LIPI: variants seen among roughly 807,000 people sequenced by gnomAD.
The protein encoded by LIPI is lipase I, also known as lipase member I.
In LIPI, 59 loss-of-function variants were observed where a neutral mutation model predicts 50.6. The ratio of observed to expected loss-of-function variants is 1.16; its 90% CI spans 0.94 to 1.45. The LOEUF is 1.45. Among genes scored for constraint, LIPI ranks in the 40% most tolerant of loss-of-function variants. The pLI is 0.00. For missense variants in LIPI, 586 were observed against 536.3 expected (o/e 1.09, Z -0.92); for synonymous variants, 203 against 178.2 (o/e 1.14, Z -1.11).
intron 5 of LIPI, among the ~76,000 whole-genome samples, chr21:14,166,110 T>C (rs148432985): frequency 2.6e-5 from 4 of 152,264 alleles, no homozygotes; most frequent in East Asian, 1.9e-4. Context: ...CTCCTAATGT[T>C]TAAAATGATG....
intron 8 of LIPI, 115 bp from the exon 9 acceptor site, chr21:14,144,914 G>T: frequency 1.6e-6 from 1 of 627,824 alleles, no homozygotes; most frequent in Non-Finnish European, 2.8e-6. Flanking sequence ...TAGGGAAAAG[G>T]CCAAACAAAA....
chr21:14,169,044 A>T (rs2018796327), intron 4 of LIPI, among the ~76,000 whole-genome samples: 2 of 152,106 alleles, frequency 1.3e-5, no homozygotes, highest in South Asian at 4.2e-4. Context: ...GAAAACAAAA[A>T]AAGGCAGGGG....
chr21:14,170,565 C>A (rs2018860458), intron 4 of LIPI, among the ~76,000 whole-genome samples: 2 of 152,150 alleles, frequency 1.3e-5, no homozygotes, highest in South Asian at 4.2e-4. Flanking sequence ...TCAATATACG[C>A]AAATCAATAA....
At chr21:14,204,391 T>A (rs995740405) in intron 1 of LIPI, among the ~76,000 whole-genome samples, 3 of 151,786 alleles carry the variant, frequency 2.0e-5, no homozygotes, top group East Asian at 3.9e-4. Flanking sequence ...AAAAAGAAAT[T>A]TTTAAAAATA....
At position 14,166,377 on chromosome 21, in the gene LIPI, T is replaced by A. The variant is rs1198194970; in HGVS notation, c.718A>T (p.Lys240Ter). The change falls in exon 5 of 10, where the codon AAA (lysine) becomes TAA (stop). Residue 240 changes from lysine (K) to a stop codon, truncating the protein, a stop_gained. Transcript: ENST00000681601. LOFTEE classifies it high-confidence loss of function. The part of the protein sequence containing the change: ...NGGNKQPGCP[K>*]SIFSGIQFIK... Reference sequence around the variant, plus strand: ...GTCAGTATACCTGAGAAAATTGATTTAGGACAGCCAGGTTGTTTATTTCCT... The same window carrying A: ...GTCAGTATACCTGAGAAAATTGATTAAGGACAGCCAGGTTGTTTATTTCCT... 6.3e-7 allele frequency: 1 copy of A among 1,589,084 alleles called. No individual in the cohort carries two copies. Among genetic ancestry groups the A allele is most frequent in the African/African-American group, 1.3e-5 (1 of 74,438 alleles).
At chr21:14,169,611 C>A (rs1247544685) in intron 4 of LIPI, among the ~76,000 whole-genome samples, 7 of 152,186 alleles carry the variant, frequency 4.6e-5, no homozygotes, top group Non-Finnish European at 1.0e-4. Flanking sequence ...TCCTGAATGA[C>A]TACTGGGTAC....
At chr21:14,121,526 TGAG>T (rs2016861316) in intron 9 of LIPI, among the ~76,000 whole-genome samples, 1 of 152,116 alleles carries the variant, frequency 6.6e-6, no homozygotes, top group Non-Finnish European at 1.5e-5. Flanking sequence ...AGGCATTAGG[TGAG>T]GTAATACAAG....
intron 4 of LIPI, among the ~76,000 whole-genome samples, chr21:14,174,636 C>G (rs1470507157): frequency 1.3e-5 from 2 of 152,124 alleles, no homozygotes; most frequent in Non-Finnish European, 1.5e-5. Context: ...TCACTGTGAT[C>G]TCTGCCTACC....
In LIPI at chr21:14,189,426, T is replaced by A; in HGVS notation, c.47-7A>T. On this transcript the variant is annotated splice_polypyrimidine_tract_variant and splice_region_variant and intron_variant, in intron 1 of 9. Transcript: ENST00000681601. ...AGGCATGGTCTTTTATTATCTGAAA[T>A]AAGAAAATGTCAGTCAAGCTGAGTA... The A allele has an allele frequency of 6.2e-7, 1 of 1,611,272 alleles. No individual in the cohort carries two copies. The highest frequency in any genetic ancestry group is 8.5e-7 in the Non-Finnish European group (1 of 1,177,806).
intron 8 of LIPI, among the ~76,000 whole-genome samples, chr21:14,146,286 CA>C (rs199544529): frequency 0.021 from 2,800 of 136,014 alleles, 37 homozygotes; most frequent in African/African-American, 0.049. Context: ...TTTCTCCAAC[CA>C]AAAAAAAAAA....
At chr21:14,149,501 C>T (rs1026928024) in intron 8 of LIPI, among the ~76,000 whole-genome samples, 4 of 152,182 alleles carry the variant, frequency 2.6e-5, no homozygotes, top group Admixed American at 6.5e-5. Context: ...CCAACAGTCC[C>T]CCAAAGTCTT....
intron 8 of LIPI, among the ~76,000 whole-genome samples, chr21:14,147,626 G>A (rs1379678380): frequency 6.6e-6 from 1 of 152,094 alleles, no homozygotes; most frequent in Non-Finnish European, 1.5e-5. Flanking sequence ...ACAGATCCGG[G>A]TCTATAGAAG....
At chr21:14,167,763 G>GA (rs1373253244) in intron 4 of LIPI, among the ~76,000 whole-genome samples, 4 of 152,100 alleles carry the variant, frequency 2.6e-5, no homozygotes, top group Admixed American at 6.6e-5. Flanking sequence ...CAAAAATGGG[G>GA]AAAAAACAGA....
chr21:14,203,333 G>A (rs537722604), intron 1 of LIPI, among the ~76,000 whole-genome samples: 2 of 152,082 alleles, frequency 1.3e-5, no homozygotes, highest in Admixed American at 6.5e-5. Flanking sequence ...CCCATTACTG[G>A]GTATATACCC....
chr21:14,205,426 A>G (rs529958349), intron 1 of LIPI, among the ~76,000 whole-genome samples: 165 of 152,058 alleles, frequency 1.1e-3, no homozygotes, highest in Non-Finnish European at 1.9e-3. Context: ...AAAACCATAC[A>G]CATGAACCAT....
At chr21:14,146,849 G>T (rs2017926804) in intron 8 of LIPI, among the ~76,000 whole-genome samples, 1 of 131,014 alleles carries the variant, frequency 7.6e-6, no homozygotes, top group South Asian at 2.4e-4. Flanking sequence ...TGCAATCTCG[G>T]CTCACTGAAA....
intron 1 of LIPI, among the ~76,000 whole-genome samples, chr21:14,191,707 T>A (rs2019683498): frequency 6.6e-6 from 1 of 152,096 alleles, no homozygotes. Flanking sequence ...ACATCATAAG[T>A]GGGGTGACTT....
intron 4 of LIPI, among the ~76,000 whole-genome samples, chr21:14,181,176 A>C (rs188762606): frequency 1.3e-5 from 2 of 152,352 alleles, no homozygotes; most frequent in East Asian, 3.9e-4. Flanking sequence ...TAGTATCAAC[A>C]AATTCAAATC....
chr21:14,133,743 A>C (rs1368252304), intron 9 of LIPI, among the ~76,000 whole-genome samples: 1 of 152,176 alleles, frequency 6.6e-6, no homozygotes, highest in Non-Finnish European at 1.5e-5. Context: ...GACTCCACCA[A>C]AAAAACTCTT....
Sources: allele counts gnomAD v4.1 joint callset (sites outside exome capture counted in the v4.1 genomes callset), GRCh38; gene constraint gnomAD v4.1.1; transcripts MANE v1.5; gene names NCBI Gene and HGNC (gene_info 2026-07-23, HGNC 2026-07-21).